GRIK1: variants seen among roughly 807,000 people sequenced by gnomAD.
GRIK1 encodes the protein glutamate ionotropic receptor kainate type subunit 1, also known as glutamate receptor ionotropic, kainate 1.
Under a neutral mutation model 105.7 loss-of-function variants are expected in GRIK1, and 69 were observed. The ratio of observed to expected loss-of-function variants is 0.65; its 90% confidence interval spans 0.54 to 0.80. The LOEUF is 0.80. Ranked by LOEUF, GRIK1 falls within the 30% of genes least tolerant of loss-of-function variation. The pLI is 0.00. For synonymous variants in GRIK1, 438 were observed against 431.3 expected (o/e 1.02, Z -0.19); for missense variants, 1,109 against 1,167.3 (o/e 0.95, Z 0.73).
intron 3 of GRIK1, among the ~76,000 whole-genome samples, chr21:29,675,330 C>T (rs1327782264): frequency 6.6e-6 from 1 of 152,010 alleles, no homozygotes; most frequent in Non-Finnish European, 1.5e-5. Flanking sequence ...GAGTTTCTCT[C>T]CTGTTTTCTG....
rs757050851 is a variant in GRIK1 at position 29,654,848 on chromosome 21, T to A, written c.742A>T (p.Met248Leu). 4 of 1,584,486 alleles carry A rather than the reference T, an allele frequency of 2.5e-6. No homozygotes were observed. In the Admixed American group the frequency reaches 6.7e-5, roughly 26 times the overall value. ...AAGTAGTGATAGTACTCGGTCATCATGCCCATGAACAGAATCTGCAAAAGA... is the reference window on the plus strand; with the variant it reads ...AAGTAGTGATAGTACTCGGTCATCAAGCCCATGAACAGAATCTGCAAAAGA... ...EILKQILFMG[M>L]MTEYYHYFFT... Residue 248 changes from methionine to leucine, a missense_variant, in exon 5 of 18, where the codon ATG becomes TTG. Met to Leu is a conservative substitution (Grantham distance 15). Coordinates refer to ENST00000327783, the MANE Select transcript of GRIK1 (RefSeq NM_001330994.2).
At chr21:29,686,143 C>G (rs907133113) in intron 3 of GRIK1, among the ~76,000 whole-genome samples, 1 of 152,156 alleles carries the variant, frequency 6.6e-6, no homozygotes, top group Non-Finnish European at 1.5e-5. Context: ...ACAGTTTTCC[C>G]TAGGTCTTTG....
At chr21:29,548,213 C>T (rs879135119) in intron 16 of GRIK1, among the ~76,000 whole-genome samples, 27 of 152,204 alleles carry the variant, frequency 1.8e-4, no homozygotes, top group Admixed American at 2.0e-4. Flanking sequence ...GGCCATTAGC[C>T]GTATTTGGGC....
intron 15 of GRIK1, among the ~76,000 whole-genome samples, chr21:29,560,409 C>G (rs1217354774): frequency 1.7e-5 from 2 of 115,970 alleles, no homozygotes; most frequent in Non-Finnish European, 3.3e-5. Flanking sequence ...TCCTTTCTTT[C>G]TTTCTTTCTT....
At chr21:29,594,658 CT>C (rs34348428) in intron 9 of GRIK1, among the ~76,000 whole-genome samples, 4 of 152,136 alleles carry the variant, frequency 2.6e-5, no homozygotes, top group East Asian at 1.9e-4. Context: ...ATTAAGCAAA[CT>C]TTTTTTAAAA....
At chr21:29,820,926 A>G (rs1264594526) in intron 1 of GRIK1, among the ~76,000 whole-genome samples, 2 of 151,910 alleles carry the variant, frequency 1.3e-5, no homozygotes, top group Non-Finnish European at 2.9e-5. Context: ...CTGGGAGAAT[A>G]ATAACCATAA....
chr21:29,869,915 T>G (rs1284840988), intron 1 of GRIK1, among the ~76,000 whole-genome samples: 1 of 152,322 alleles, frequency 6.6e-6, no homozygotes. Flanking sequence ...TTTTATGTAA[T>G]ATAGTGTAAA....
chr21:29,626,252 G>C lies in GRIK1; in HGVS notation c.1098+16574C>G, dbSNP rs1318237173. Among the ~76,000 whole-genome samples, 4 of 152,056 alleles carry C rather than the reference G, an allele frequency of 2.6e-5. No homozygotes were observed. In the East Asian group the frequency reaches 7.7e-4, roughly 29 times the overall value. ...GAGAATGCATGCACATGAGAGACGG[G>C]GGACCAAACTCATTCTTTTATCAGG... On this transcript the variant is annotated intron_variant, in intron 7 of 17. Coordinates refer to ENST00000327783, the MANE Select transcript of GRIK1 (RefSeq NM_001330994.2).
chr21:29,587,276 TA>T (rs1241160778), intron 12 of GRIK1, 89 bp downstream of exon 12: 3 of 741,702 alleles, frequency 4.0e-6, no homozygotes, highest in African/African-American at 3.5e-5. Context: ...AAGTACACTT[TA>T]AAGTTCCTAA....
chr21:29,792,263 C>T (rs1353898753), intron 1 of GRIK1, among the ~76,000 whole-genome samples: 1 of 151,944 alleles, frequency 6.6e-6, no homozygotes, highest in African/African-American at 2.4e-5. Context: ...AGGTGCTTTC[C>T]CTTTGTTCCA....
At chr21:29,758,776 T>C (rs1420414437) in intron 1 of GRIK1, 1 of 152,648 alleles carries the variant, frequency 6.6e-6, no homozygotes, top group African/African-American at 2.4e-5. Flanking sequence ...TTTTAGGTCA[T>C]TAGTGTGCGT....
At chr21:29,579,963 G>GTATATATATATATATATA (rs1386008921) in intron 13 of GRIK1, among the ~76,000 whole-genome samples, 20 of 122,896 alleles carry the variant, frequency 1.6e-4, no homozygotes, top group Admixed American at 2.3e-4. Context: ...ATATGTGTGT[G>GTATATATATATATATATA]TGTATATATA....
At chr21:29,796,860 A>T (rs1011691930) in intron 1 of GRIK1, among the ~76,000 whole-genome samples, 1 of 152,096 alleles carries the variant, frequency 6.6e-6, no homozygotes. Flanking sequence ...GAAGTAGGAG[A>T]ATCACTTGAA....
intron 1 of GRIK1, among the ~76,000 whole-genome samples, chr21:29,890,872 A>C (rs558234256): frequency 6.6e-6 from 1 of 152,308 alleles, no homozygotes; most frequent in South Asian, 2.1e-4. Context: ...GCCCATTTAT[A>C]TAATGAAGTG....
intron 1 of GRIK1, among the ~76,000 whole-genome samples, chr21:29,844,085 G>A (rs2068049591): frequency 6.6e-6 from 1 of 152,166 alleles, no homozygotes; most frequent in Non-Finnish European, 1.5e-5. Context: ...TGTCTCCAGA[G>A]TATGCACTCA....
intron 1 of GRIK1, among the ~76,000 whole-genome samples, chr21:29,846,946 CAT>C (rs1388684496): frequency 3.3e-5 from 5 of 152,236 alleles, no homozygotes; most frequent in South Asian, 2.1e-4. Flanking sequence ...TTCAAATACA[CAT>C]GTCAAGATTT....
intron 1 of GRIK1, among the ~76,000 whole-genome samples, chr21:29,830,015 C>A: frequency 6.6e-6 from 1 of 152,070 alleles, no homozygotes; most frequent in South Asian, 2.1e-4. Flanking sequence ...AATAGAAACA[C>A]CTACTTTCAC....
chr21:29,813,562 A>G lies in GRIK1; in HGVS notation c.119-119499T>C, dbSNP rs1478344367. Among the ~76,000 whole-genome samples, 4 of 152,148 alleles carry G rather than the reference A, an allele frequency of 2.6e-5. No individual in the cohort carries two copies. The East Asian group carries it at 7.7e-4, about 29-fold the overall frequency. ...AGAACATTAAATTTCTAAATTTGGT[A>G]TTGCTGAGTATTACAGACATTAAGA... On this transcript the variant is annotated intron_variant, in intron 1 of 17. Coordinates refer to ENST00000327783, the MANE Select transcript of GRIK1 (RefSeq NM_001330994.2).
At chr21:29,676,286 A>C (rs983532118) in intron 3 of GRIK1, among the ~76,000 whole-genome samples, 2 of 152,200 alleles carry the variant, frequency 1.3e-5, no homozygotes, top group Non-Finnish European at 2.9e-5. Context: ...TAGGGATGGA[A>C]ACTGGGGGAA....
Sources: allele counts gnomAD v4.1 joint callset (sites outside exome capture counted in the v4.1 genomes callset), GRCh38; gene constraint gnomAD v4.1.1; transcripts MANE v1.5; gene names NCBI Gene and HGNC (gene_info 2026-07-23, HGNC 2026-07-21).